Variants in RAB38 observed in about 807,000 individuals in gnomAD.
RAB38 encodes ras-related protein Rab-38.
RAB38 carries 15 observed loss-of-function variants against 18.4 expected under a neutral mutation model. That is an observed-to-expected ratio of 0.82 (90% CI 0.55 to 1.26). The LOEUF (loss-of-function observed/expected upper bound fraction) is 1.26, where lower values mean the gene tolerates loss of function less well. RAB38 is among the 50% of genes most tolerant of loss of function. The pLI, the probability that RAB38 is intolerant of heterozygous loss-of-function variation, is 0.00. For synonymous variants in RAB38, 101 were observed against 104.4 expected (o/e 0.97, Z 0.20); for missense variants, 294 against 267.4 (o/e 1.10, Z -0.69).
chr11:88,047,473 C>T, the RAB38 span, among the ~76,000 whole-genome samples: 2 of 152,216 alleles, frequency 1.3e-5, no homozygotes, highest in African/African-American at 4.8e-5. Context: ...CTGCCCCACT[C>T]CACTACCTCT....
chr11:87,853,340 A>G, the RAB38 span, among the ~76,000 whole-genome samples: 1 of 152,164 alleles, frequency 6.6e-6, no homozygotes, highest in African/African-American at 2.4e-5. Context: ...CTCCATGTTA[A>G]GATTAGTATT....
the RAB38 span, among the ~76,000 whole-genome samples, chr11:87,834,370 G>A: frequency 6.6e-6 from 1 of 152,226 alleles, no homozygotes; most frequent in Admixed American, 6.5e-5. Flanking sequence ...CTGAGAACTA[G>A]CAGAGTCGTG....
At chr11:88,016,621 T>C in the RAB38 span, among the ~76,000 whole-genome samples, 1 of 152,034 alleles carries the variant, frequency 6.6e-6, no homozygotes, top group Non-Finnish European at 1.5e-5. Context: ...GGGGGAGCAC[T>C]AATACTTATA....
chr11:88,135,992 G>A (rs1438300826), intron 2 of RAB38, among the ~76,000 whole-genome samples: 1 of 152,178 alleles, frequency 6.6e-6, no homozygotes, highest in Non-Finnish European at 1.5e-5. Context: ...TCCGGAGCAA[G>A]CTTTGACAAG....
chr11:88,027,998 C>G, the RAB38 span, among the ~76,000 whole-genome samples: 1 of 152,188 alleles, frequency 6.6e-6, no homozygotes, highest in African/African-American at 2.4e-5. Flanking sequence ...CAGACTGACA[C>G]CTCACTCGGC....
the RAB38 span, among the ~76,000 whole-genome samples, chr11:88,015,655 A>T: frequency 7.9e-5 from 12 of 152,270 alleles, no homozygotes; most frequent in South Asian, 2.5e-3. Context: ...TTACGAAAAC[A>T]TTACAAATCA....
the RAB38 span, among the ~76,000 whole-genome samples, chr11:87,952,993 A>G: frequency 1.3e-5 from 2 of 152,280 alleles, no homozygotes; most frequent in African/African-American, 4.8e-5. Context: ...AAAACATTTA[A>G]AACATTAAAA....
chr11:88,117,251 A>G (rs1169575105), intron 2 of RAB38, among the ~76,000 whole-genome samples: 4 of 152,226 alleles, frequency 2.6e-5, no homozygotes, highest in Non-Finnish European at 4.4e-5. Flanking sequence ...ACCAATATAC[A>G]GATGATACAT....
At chr11:88,053,084 G>T in the RAB38 span, among the ~76,000 whole-genome samples, 1 of 120,448 alleles carries the variant, frequency 8.3e-6, no homozygotes, top group Non-Finnish European at 1.7e-5. Context: ...ACATATATAT[G>T]GAATATATAT....
chr11:88,045,908 C>G, the RAB38 span, among the ~76,000 whole-genome samples: 927 of 152,258 alleles, frequency 6.1e-3, 2 homozygotes, highest in Non-Finnish European at 0.01. Context: ...TTTAAGCACT[C>G]CTTTTAGTTA....
chr11:87,875,725 A>AT, the RAB38 span, among the ~76,000 whole-genome samples: 1 of 151,474 alleles, frequency 6.6e-6, no homozygotes, highest in African/African-American at 2.4e-5. Context: ...TGTTTTTGAT[A>AT]TTACCTTAAG....
chr11:88,038,928 C>A, the RAB38 span, among the ~76,000 whole-genome samples: 16 of 152,296 alleles, frequency 1.1e-4, no homozygotes, highest in South Asian at 3.3e-3. Flanking sequence ...TATGTGCCAA[C>A]ACTATGCTAT....
chr11:87,955,655 ATATC>A, the RAB38 span, among the ~76,000 whole-genome samples: 2 of 151,566 alleles, frequency 1.3e-5, no homozygotes, highest in Non-Finnish European at 2.9e-5. Context: ...TTTAGCTCTT[ATATC>A]TATCAATCAT....
At chr11:87,926,704 G>T in the RAB38 span, among the ~76,000 whole-genome samples, 1 of 152,002 alleles carries the variant, frequency 6.6e-6, no homozygotes, top group East Asian at 1.9e-4. Flanking sequence ...AAGGAGTTGA[G>T]CTTTATTACT....
chr11:87,890,280 CTAAGAT>C, the RAB38 span, among the ~76,000 whole-genome samples: 1 of 151,766 alleles, frequency 6.6e-6, no homozygotes, highest in African/African-American at 2.4e-5. Context: ...AGTATGTTGC[CTAAGAT>C]TAAAAGTATT....
the RAB38 span, among the ~76,000 whole-genome samples, chr11:88,043,701 G>C: frequency 1.4e-5 from 2 of 144,234 alleles, no homozygotes; most frequent in African/African-American, 5.2e-5. Context: ...TCCCTTTGCT[G>C]ACTCTTTTCA....
the RAB38 span, among the ~76,000 whole-genome samples, chr11:87,830,473 A>C: frequency 2.0e-5 from 3 of 151,398 alleles, no homozygotes; most frequent in South Asian, 6.4e-4. Context: ...AGACCAAGGC[A>C]CTGTCTCAAA....
At chr11:87,847,579 T>C in the RAB38 span, among the ~76,000 whole-genome samples, 1 of 152,112 alleles carries the variant, frequency 6.6e-6, no homozygotes, top group African/African-American at 2.4e-5. Context: ...TTGACTTCTA[T>C]GAATATGCTT....
the RAB38 span, among the ~76,000 whole-genome samples, chr11:87,951,804 C>A: frequency 1.3e-5 from 2 of 152,086 alleles, no homozygotes; most frequent in East Asian, 3.9e-4. Flanking sequence ...TCAGTCTGCC[C>A]CTACTGGGGG....
Sources: allele counts gnomAD v4.1 joint callset (sites outside exome capture counted in the v4.1 genomes callset), GRCh38; gene constraint gnomAD v4.1.1; transcripts MANE v1.5; gene names NCBI Gene and HGNC (gene_info 2026-07-23, HGNC 2026-07-21).